LYST: variants seen among roughly 807,000 people sequenced by gnomAD.
LYST encodes the protein lysosomal-trafficking regulator.
Under a neutral mutation model 413.6 loss-of-function variants are expected in LYST, and 192 were observed. The ratio of observed to expected loss-of-function variants is 0.46; its 90% CI spans 0.41 to 0.52. The LOEUF is 0.52. LYST is among the 20% of genes least tolerant of loss of function. The pLI, the probability that LYST is intolerant of heterozygous loss-of-function variation, is 0.00. For synonymous variants in LYST, 1,525 were observed against 1,567.3 expected, an observed-to-expected ratio of 0.97 and a Z score of 0.64; for missense variants, 3,815 against 4,499.9, an observed-to-expected ratio of 0.85 and a Z score of 4.35.
intron 28 of LYST, among the ~76,000 whole-genome samples, chr1:235,748,242 A>G (rs1463075537): frequency 6.6e-6 from 1 of 152,216 alleles, no homozygotes; most frequent in Admixed American, 6.5e-5. Context: ...TATGTCTAGC[A>G]TTCTAAATAA....
At chr1:235,769,523 C>T (rs1668457207) in intron 20 of LYST, among the ~76,000 whole-genome samples, 1 of 151,858 alleles carries the variant, frequency 6.6e-6, no homozygotes, top group Non-Finnish European at 1.5e-5. Context: ...TCTAACTTGA[C>T]AAAGTTCTAA....
intron 3 of LYST, among the ~76,000 whole-genome samples, chr1:235,826,233 T>C (rs781779226): frequency 2.0e-5 from 3 of 152,216 alleles, no homozygotes; most frequent in Non-Finnish European, 4.4e-5. Flanking sequence ...GGCAGTTTCT[T>C]ACAAAATTAA....
At chr1:235,719,337 C>G (rs1663132786) in intron 40 of LYST, among the ~76,000 whole-genome samples, 1 of 152,124 alleles carries the variant, frequency 6.6e-6, no homozygotes, top group Admixed American at 6.5e-5. Context: ...GTCCTTTTGA[C>G]AAGACCATAT....
chr1:235,680,205 T>A (rs999040345), intron 48 of LYST, among the ~76,000 whole-genome samples: 6 of 152,180 alleles, frequency 3.9e-5, no homozygotes, highest in Non-Finnish European at 5.9e-5. Flanking sequence ...ACAACTTTTT[T>A]AAGAAACAGT....
In LYST at chr1:235,664,120, A is replaced by G; in HGVS notation, c.11196-65T>C. 1 of 1,166,944 alleles carries G rather than the reference A, an allele frequency of 8.6e-7. No homozygotes were observed. Among genetic ancestry groups the G allele is most frequent in the Non-Finnish European group, 1.3e-6 (1 of 774,880 alleles). The allele number at this position is 1,166,944 out of a possible 1,614,324, so 72.3% of individuals were successfully genotyped here. A position where few individuals can be genotyped will look rare whatever the true frequency, so the allele number is the denominator to read the frequency against. On this transcript the variant is annotated intron_variant, in intron 51 of 52. Coordinates refer to ENST00000389793, the MANE Select transcript of LYST (RefSeq NM_000081.4). This position sits in a 1 kb window ranked among gnomAD's most constrained non-coding sequence, Gnocchi z 4.5. ...TTACTCTCCCTAAAAAGCCCTCTAT[A>G]TTTGTTTATTTGTTAAAAATCATGT...
rs12121811 is a variant in LYST, at chr1:235,754,229, C to T, written c.7230-955G>A. 9.5e-3 allele frequency among the ~76,000 whole-genome samples: 823 copies of T among 86,472 alleles called. 6 individuals carry two copies. Among genetic ancestry groups the T allele is most frequent in the Middle Eastern group, 0.022 (3 of 136 alleles). 56.7% of individuals were successfully genotyped at this position (86,472 alleles called of 152,430 possible). A position where few individuals can be genotyped will look rare whatever the true frequency, so the allele number is the denominator to read the frequency against. ...GAGCTATCTTTTTTTCTTTTCTTTTCTTTTTTTTTTTTTTTTTTTTGAGAT... is the reference window on the plus strand; with the variant it reads ...GAGCTATCTTTTTTTCTTTTCTTTTTTTTTTTTTTTTTTTTTTTTTGAGAT... On this transcript the variant is annotated intron_variant, in intron 25 of 52. Transcript: ENST00000389793.
Position 235,677,597 on chromosome 1 carries a change from G to C in LYST, c.10823C>G (p.Thr3608Ser), listed in dbSNP as rs766324119. Residue 3608 changes from threonine to serine, a missense_variant, in exon 49 of 53, where the codon ACT becomes AGT. Thr to Ser is a moderately conservative substitution (Grantham distance 58, BLOSUM62 1). This residue lies in a region of LYST where 866 missense variants were observed against 1,156.0 expected (regional missense o/e 0.75). Coordinates refer to ENST00000389793, the MANE Select transcript of LYST (RefSeq NM_000081.4). Reference protein sequence around the residue: ...SSTPSEIEMETQIHLYGHTEE... With the variant: ...SSTPSEIEMESQIHLYGHTEE... ...TGTGTGACCATAGAGATGTATTTGA[G>C]TCTCCATTTCTATTTCTGATGGCTG... 51 of 1,612,584 alleles carry C rather than the reference G, an allele frequency of 3.2e-5. No individual in the cohort carries two copies. The highest frequency in any genetic ancestry group is 1.3e-4 in the Admixed American group (8 of 59,992).
At chr1:235,828,564 T>C (rs1171131208) in intron 3 of LYST, 10 of 164,434 alleles carry the variant, frequency 6.1e-5, no homozygotes, top group Non-Finnish European at 1.3e-4. Flanking sequence ...CATTATATAA[T>C]GCTCCAATTA....
At chr1:235,849,055 C>T (rs112312251) in intron 1 of LYST, among the ~76,000 whole-genome samples, 3,402 of 152,100 alleles carry the variant, frequency 0.022, 125 homozygotes, top group African/African-American at 0.077. Flanking sequence ...CAGGAAAGGA[C>T]ATAACCAAAA....
At chr1:235,836,539 T>G (rs1369624097) in intron 1 of LYST, among the ~76,000 whole-genome samples, 1 of 152,108 alleles carries the variant, frequency 6.6e-6, no homozygotes, top group African/African-American at 2.4e-5. Flanking sequence ...TCCAAGCCAC[T>G]GAGATAAATG....
intron 1 of LYST, among the ~76,000 whole-genome samples, chr1:235,837,931 G>C (rs1214368403): frequency 6.6e-6 from 1 of 152,008 alleles, no homozygotes; most frequent in Non-Finnish European, 1.5e-5. Flanking sequence ...TTCTCTAACA[G>C]AGAAAGGAAA....
intron 20 of LYST, among the ~76,000 whole-genome samples, chr1:235,769,948 G>C (rs1450178402): frequency 2.0e-5 from 3 of 151,836 alleles, no homozygotes; most frequent in Non-Finnish European, 4.4e-5. Flanking sequence ...TTTTGTAATT[G>C]AGTTAGGAAT....
At chr1:235,776,026 T>C (rs1026289867) in intron 17 of LYST, among the ~76,000 whole-genome samples, 1 of 152,160 alleles carries the variant, frequency 6.6e-6, no homozygotes, top group African/African-American at 2.4e-5. Context: ...ATCCAATCTC[T>C]ATGTAACAAT....
chr1:235,755,080 C>CA (rs763926458), intron 25 of LYST, among the ~76,000 whole-genome samples: 634 of 29,006 alleles, frequency 0.022, 117 homozygotes, highest in East Asian at 0.14. Flanking sequence ...GACATTGTCT[C>CA]AAAAAAAAAA....
intron 29 of LYST, 129 bp from the exon 30 acceptor site, chr1:235,744,286 C>T: frequency 1.6e-6 from 1 of 642,516 alleles, no homozygotes; most frequent in South Asian, 1.8e-5. Flanking sequence ...AAATGTGTAT[C>T]AGGTGTATTA....
chr1:235,728,064 G>T lies in LYST; in HGVS notation c.9162+12C>A. 2.5e-6 allele frequency: 4 copies of T among 1,594,734 alleles called. No homozygotes were observed. Among genetic ancestry groups the T allele is most frequent in the Non-Finnish European group, 3.4e-6 (4 of 1,162,634 alleles). ...TAGATTTATGTAAATACAGACTTAA[G>T]CCTCTACTCACCGAACTTTCAACTG... On this transcript the variant is annotated intron_variant, in intron 38 of 52. Transcript: ENST00000389793.
chr1:235,787,634 G>T (rs947872377), intron 13 of LYST, among the ~76,000 whole-genome samples: 4 of 151,940 alleles, frequency 2.6e-5, no homozygotes, highest in African/African-American at 9.7e-5. Flanking sequence ...TCAGAATTCA[G>T]TTTGTAAAAA....
intron 1 of LYST, among the ~76,000 whole-genome samples, chr1:235,841,479 T>C (rs1385990835): frequency 6.6e-6 from 1 of 152,224 alleles, no homozygotes; most frequent in Non-Finnish European, 1.5e-5. Context: ...CTTAAAATCA[T>C]CATGGTGAGA....
At chr1:235,755,259 C>T (rs1413033573) in intron 25 of LYST, among the ~76,000 whole-genome samples, 4 of 151,860 alleles carry the variant, frequency 2.6e-5, no homozygotes, top group Admixed American at 6.6e-5. Flanking sequence ...CATGGTGGTA[C>T]GTGCCTGTAA....
Sources: gnomAD v4.1 joint callset for allele counts (sites outside exome capture counted in the v4.1 genomes callset) on GRCh38, gnomAD v4.1.1 for gene constraint, gnomAD v4.1.1 regional missense constraint, Gnocchi (gnomAD v3.1) non-coding constraint, MANE v1.5 for transcripts, NCBI Gene and HGNC (gene_info 2026-07-23, HGNC 2026-07-21) for gene names.